The following LRRC3B variants were observed in gnomAD, a reference collection of about 807,000 sequenced individuals.
LRRC3B encodes leucine-rich repeat-containing protein 3B.
A neutral mutation model predicts 12.8 loss-of-function variants in LRRC3B; 2 were observed. The observed-to-expected ratio is 0.16, with a 90% CI of 0.06 to 0.49. The LOEUF (loss-of-function observed/expected upper bound fraction) is 0.49. Ranked by LOEUF, LRRC3B falls within the 20% of genes least tolerant of loss-of-function variation. The pLI is 0.96. For missense variants in LRRC3B, 189 were observed against 319.4 expected (o/e 0.59, Z 3.11); for synonymous variants, 132 against 122.0 (o/e 1.08, Z -0.54).
intron 1 of LRRC3B, among the ~76,000 whole-genome samples, chr3:26,680,995 C>G (rs1315598502): frequency 6.6e-6 from 1 of 152,074 alleles, no homozygotes; most frequent in Non-Finnish European, 1.5e-5. Flanking sequence ...TTTGTTCTCT[C>G]AAATATTTAT....
chr3:26,689,913 A>T (rs1396837928), intron 1 of LRRC3B, among the ~76,000 whole-genome samples: 3 of 152,190 alleles, frequency 2.0e-5, no homozygotes, highest in Non-Finnish European at 4.4e-5. Context: ...GGTGTTGGTG[A>T]ATTGGAAAGA....
chr3:26,691,487 T>C (rs1700193655), intron 1 of LRRC3B, among the ~76,000 whole-genome samples: 1 of 152,158 alleles, frequency 6.6e-6, no homozygotes, highest in African/African-American at 2.4e-5. Context: ...CTTACCCACC[T>C]CACTGACTCT....
At chr3:26,636,856 C>G (rs193176977) in intron 1 of LRRC3B, among the ~76,000 whole-genome samples, 3 of 94,566 alleles carry the variant, frequency 3.2e-5, no homozygotes, top group African/African-American at 1.0e-4. Flanking sequence ...CTCCCTCCCT[C>G]CCTCCCTCCC....
At chr3:26,710,533 A>G in exon 2 of LRRC3B, 1 of 1,349,884 alleles carries the variant, frequency 7.4e-7, no homozygotes, top group Non-Finnish European at 1.0e-6. Flanking sequence ...TCTCCCATCC[A>G]TTGTAAACAT....
intron 1 of LRRC3B, among the ~76,000 whole-genome samples, chr3:26,666,660 T>C (rs893572881): frequency 1.3e-5 from 2 of 152,220 alleles, no homozygotes; most frequent in African/African-American, 4.8e-5. Flanking sequence ...CATATTATTC[T>C]GGTACATTTG....
chr3:26,646,029 G>T (rs1699136300), intron 1 of LRRC3B, among the ~76,000 whole-genome samples: 1 of 152,246 alleles, frequency 6.6e-6, no homozygotes, highest in Admixed American at 6.5e-5. Context: ...CAACCCAAGG[G>T]TGTGCGCTTG....
At chr3:26,632,001 G>A (rs2125400807) in intron 1 of LRRC3B, among the ~76,000 whole-genome samples, 1 of 152,314 alleles carries the variant, frequency 6.6e-6, no homozygotes, top group East Asian at 1.9e-4. Flanking sequence ...AGGGCTTCCA[G>A]CCCTTATATG....
intron 1 of LRRC3B, among the ~76,000 whole-genome samples, chr3:26,639,609 G>T (rs1698979178): frequency 6.6e-6 from 1 of 151,942 alleles, no homozygotes; most frequent in East Asian, 1.9e-4. Flanking sequence ...CATTTCAAGT[G>T]CTCAATAGCC....
intron 1 of LRRC3B, among the ~76,000 whole-genome samples, chr3:26,651,903 C>T (rs1699272317): frequency 6.6e-6 from 1 of 152,192 alleles, no homozygotes; most frequent in South Asian, 2.1e-4. Flanking sequence ...CATATTATCT[C>T]AATGGATTCT....
intron 1 of LRRC3B, among the ~76,000 whole-genome samples, chr3:26,693,188 G>T (rs1225230499): frequency 6.6e-6 from 1 of 150,580 alleles, no homozygotes. Flanking sequence ...AATTAGCCGG[G>T]CATGGTGGCG....
In LRRC3B at chr3:26,635,075, C is replaced by T. The variant is rs73059311; in HGVS notation, c.-161+11838C>T. ...GCACATTCATTATGAGTTTTGGCTC[C>T]ACTGCAGAAATTTTACTACCTCTGC... On this transcript the variant is annotated intron_variant, in intron 1 of 1. Coordinates refer to ENST00000396641, the Ensembl canonical transcript of LRRC3B. Among the ~76,000 whole-genome samples the T allele has an allele frequency of 4.6e-3, 695 of 152,234 alleles. 3 individuals carry two copies. The highest frequency in any genetic ancestry group is 6.8e-3 in the Middle Eastern group (2 of 294).
chr3:26,705,434 G>C (rs1345159285), intron 1 of LRRC3B, among the ~76,000 whole-genome samples: 1 of 151,916 alleles, frequency 6.6e-6, no homozygotes, highest in African/African-American at 2.4e-5. Flanking sequence ...TTTGCAGAGG[G>C]GGAGTTAGGA....
At chr3:26,691,492 G>C (rs2125449698) in intron 1 of LRRC3B, among the ~76,000 whole-genome samples, 1 of 152,244 alleles carries the variant, frequency 6.6e-6, no homozygotes, top group East Asian at 1.9e-4. Context: ...CCACCTCACT[G>C]ACTCTGTAAC....
exon 2 of LRRC3B, chr3:26,709,606 C>T (rs1175716767): frequency 2.1e-5 from 31 of 1,507,268 alleles, no homozygotes; most frequent in Non-Finnish European, 2.6e-5. Context: ...GTGGACAGGG[C>T]TGGAACCTTT....
chr3:26,701,906 A>C (rs1575177984), intron 1 of LRRC3B, among the ~76,000 whole-genome samples: 1 of 152,156 alleles, frequency 6.6e-6, no homozygotes, highest in Non-Finnish European at 1.5e-5. Context: ...TTTTAACTCT[A>C]CATTCATTTA....
chr3:26,693,737 C>G (rs1700243769), intron 1 of LRRC3B, among the ~76,000 whole-genome samples: 1 of 152,176 alleles, frequency 6.6e-6, no homozygotes. Context: ...CAAAGTTAGA[C>G]AAACTTAGGT....
intron 1 of LRRC3B, among the ~76,000 whole-genome samples, chr3:26,668,290 G>A (rs1316195931): frequency 1.3e-5 from 2 of 152,134 alleles, no homozygotes; most frequent in Non-Finnish European, 2.9e-5. Context: ...CGTTAACAGA[G>A]CCAGAGCTGG....
chr3:26,689,297 T>C (rs764316626), intron 1 of LRRC3B, among the ~76,000 whole-genome samples: 1 of 152,208 alleles, frequency 6.6e-6, no homozygotes, highest in Non-Finnish European at 1.5e-5. Flanking sequence ...TTTACCCTCA[T>C]GTTTTGATTA....
At chr3:26,649,948 C>T (rs1699232194) in intron 1 of LRRC3B, among the ~76,000 whole-genome samples, 1 of 152,142 alleles carries the variant, frequency 6.6e-6, no homozygotes, top group African/African-American at 2.4e-5. Flanking sequence ...TCTACTTATC[C>T]AGTGCAATTT....
Sources: allele counts gnomAD v4.1 joint callset (sites outside exome capture counted in the v4.1 genomes callset), GRCh38; gene constraint gnomAD v4.1.1; transcripts MANE v1.5; gene names NCBI Gene and HGNC (gene_info 2026-07-23, HGNC 2026-07-21).